The following MYO5A variants were observed in gnomAD, a reference collection of about 807,000 sequenced individuals.
The protein encoded by MYO5A is unconventional myosin-Va.
A neutral mutation model predicts 249.7 loss-of-function variants in MYO5A; 98 were observed. That is an observed-to-expected ratio of 0.39 (90% CI 0.33 to 0.46). MYO5A has a LOEUF of 0.46. Among genes scored for constraint, MYO5A ranks in the 20% least tolerant of loss-of-function variants. MYO5A has a pLI of 0.98. For synonymous variants in MYO5A, 778 were observed against 810.6 expected, an observed-to-expected ratio of 0.96 and a Z score of 0.68; for missense variants, 1,696 against 2,308.8, an observed-to-expected ratio of 0.73 and a Z score of 5.44.
chr15:52,408,083 G>A lies in MYO5A; in HGVS notation c.814C>T (p.Pro272Ser), dbSNP rs773268848. 1 of 1,602,996 alleles carries A rather than the reference G, an allele frequency of 6.2e-7. No individual in the cohort carries two copies. Among genetic ancestry groups the A allele is most frequent in the South Asian group, 1.1e-5 (1 of 90,712 alleles). ...FYQLCASAKL[P>S]EFKMLRLGNA... ...CCTAATCGTAGCATTTTAAATTCAGGTAACTTTGCTGAGGCACAAAGCTGA... is the reference window on the plus strand; with the variant it reads ...CCTAATCGTAGCATTTTAAATTCAGATAACTTTGCTGAGGCACAAAGCTGA... Residue 272 changes from proline (P) to serine (S), a missense_variant, in exon 7 of 42, where the codon CCT (proline) becomes TCT (serine). By Grantham distance (74) the Pro-to-Ser change is moderately conservative (BLOSUM62 -1). Around this residue, in one of 5 missense-constraint regions of MYO5A, gnomAD observed 185 missense variants for 204.8 expected, o/e 0.90. Coordinates refer to ENST00000399233, the MANE Select transcript of MYO5A (RefSeq NM_001382347.1).
chr15:52,374,656 G>A (rs976545616), intron 20 of MYO5A, among the ~76,000 whole-genome samples: 4 of 152,202 alleles, frequency 2.6e-5, no homozygotes, highest in Admixed American at 6.5e-5. Context: ...GACTGATGTG[G>A]CTACAAGCAC....
intron 30 of MYO5A, 32 bp downstream of exon 30, chr15:52,346,329 A>C: frequency 1.5e-6 from 2 of 1,362,586 alleles, no homozygotes; most frequent in Non-Finnish European, 1.0e-6. Flanking sequence ...AATATAATTA[A>C]ACCAAAATGA....
intron 6 of MYO5A, 43 bp downstream of exon 6, chr15:52,410,290 C>T (rs2043192820): frequency 1.3e-6 from 2 of 1,586,918 alleles, no homozygotes; most frequent in South Asian, 1.1e-5. Flanking sequence ...AACAATTATA[C>T]AGCAATCTAA....
At chr15:52,472,347 G>A (rs2076492225) in intron 1 of MYO5A, among the ~76,000 whole-genome samples, 1 of 152,076 alleles carries the variant, frequency 6.6e-6, no homozygotes, top group African/African-American at 2.4e-5. Flanking sequence ...CTAAAGTGCT[G>A]GGATTACAGG....
chr15:52,509,872 T>A (rs1724595), intron 1 of MYO5A, among the ~76,000 whole-genome samples: 1 of 151,714 alleles, frequency 6.6e-6, no homozygotes, highest in African/African-American at 2.4e-5. Context: ...TCTGTGCCAT[T>A]CTCCTTCTCT....
chr15:52,515,511 C>T (rs1783077270), intron 1 of MYO5A, among the ~76,000 whole-genome samples: 1 of 152,110 alleles, frequency 6.6e-6, no homozygotes, highest in South Asian at 2.1e-4. Flanking sequence ...TAAATATGTG[C>T]CAGGCATTAT....
At chr15:52,458,198 T>C (rs2076159181) in intron 1 of MYO5A, among the ~76,000 whole-genome samples, 1 of 152,188 alleles carries the variant, frequency 6.6e-6, no homozygotes, top group Non-Finnish European at 1.5e-5. Context: ...AGCACAATAA[T>C]AGGGTGACTA....
At chr15:52,341,370 C>G (rs1012313176) in intron 31 of MYO5A, among the ~76,000 whole-genome samples, 1 of 152,180 alleles carries the variant, frequency 6.6e-6, no homozygotes, top group African/African-American at 2.4e-5. Context: ...GGTTTTAGAA[C>G]ACAAATATTA....
chr15:52,403,904 G>A (rs2052297482), intron 9 of MYO5A, among the ~76,000 whole-genome samples: 1 of 152,074 alleles, frequency 6.6e-6, no homozygotes, highest in African/African-American at 2.4e-5. Context: ...AAAATCGTAA[G>A]GATCAAGCTT....
chr15:52,495,492 CA>C (rs35101302), intron 1 of MYO5A, among the ~76,000 whole-genome samples: 33,045 of 151,978 alleles, frequency 0.22, 4,108 homozygotes, highest in African/African-American at 0.34. Context: ...TCATGATAAT[CA>C]ATGGTTAATA....
intron 23 of MYO5A, among the ~76,000 whole-genome samples, chr15:52,365,469 T>C (rs1299060040): frequency 6.6e-6 from 1 of 152,246 alleles, no homozygotes; most frequent in African/African-American, 2.4e-5. Flanking sequence ...CTCAGCTGTA[T>C]GTCTTAACTC....
At chr15:52,458,490 T>TGC (rs2076165520) in intron 1 of MYO5A, among the ~76,000 whole-genome samples, 1 of 151,846 alleles carries the variant, frequency 6.6e-6, no homozygotes, top group Non-Finnish European at 1.5e-5. Context: ...CGTGGTGGCA[T>TGC]GCACCTGTAG....
At chr15:52,431,506 A>G (rs943515489) in intron 2 of MYO5A, among the ~76,000 whole-genome samples, 1 of 152,054 alleles carries the variant, frequency 6.6e-6, no homozygotes, top group African/African-American at 2.4e-5. Context: ...ATCCATGTAT[A>G]TATTTTTCTA....
intron 1 of MYO5A, among the ~76,000 whole-genome samples, chr15:52,510,091 C>T (rs1263481655): frequency 1.5e-5 from 2 of 133,550 alleles, no homozygotes; most frequent in Non-Finnish European, 3.2e-5. Flanking sequence ...AGGAATTAAG[C>T]GGACTAAAAT....
chr15:52,528,245 C>A (rs927966748), intron 1 of MYO5A, among the ~76,000 whole-genome samples: 2 of 152,158 alleles, frequency 1.3e-5, no homozygotes, highest in Admixed American at 1.3e-4. Flanking sequence ...GGGCTCGCCA[C>A]CCCCAGCGCA....
intron 2 of MYO5A, among the ~76,000 whole-genome samples, chr15:52,431,053 A>G (rs889107982): frequency 2.0e-5 from 3 of 151,304 alleles, no homozygotes; most frequent in Non-Finnish European, 4.4e-5. Context: ...CCAACATGGT[A>G]AAATCCTGTC....
chr15:52,439,611 C>T (rs2075743066), intron 1 of MYO5A, among the ~76,000 whole-genome samples: 1 of 152,122 alleles, frequency 6.6e-6, no homozygotes, highest in Admixed American at 6.5e-5. Flanking sequence ...GAAAAATTGG[C>T]AACATTCCAC....
At chr15:52,458,492 C>T (rs777002235) in intron 1 of MYO5A, among the ~76,000 whole-genome samples, 4 of 151,908 alleles carry the variant, frequency 2.6e-5, no homozygotes, top group Admixed American at 2.6e-4. Context: ...TGGTGGCATG[C>T]ACCTGTAGTC....
Position 52,485,259 on chromosome 15 carries a change from T to TAAAAAAAAAAAAAAAAAAAAAAAA in MYO5A, c.27+43520_27+43521insTTTTTTTTTTTTTTTTTTTTTTTT, listed in dbSNP as rs72085613. ...AAAAGAGAATAAAGAATTCACTATG[T>TAAAAAAAAAAAAAAAAAAAAAAAA]AAAAAAAAAAAAAAAAAAAACAAGA... is the stretch of plus-strand genomic sequence containing the variant. On this transcript the variant is annotated intron_variant, in intron 1 of 41. Transcript: ENST00000399233. Among the ~76,000 whole-genome samples the TAAAAAAAAAAAAAAAAAAAAAAAA allele has an allele frequency of 1.9e-5, 2 of 102,762 alleles. 1 individual carries two copies. The highest frequency in any genetic ancestry group is 4.1e-5 in the Non-Finnish European group (2 of 48,626). The allele number at this position is 102,762 out of a possible 152,430, so 67.4% of individuals were successfully genotyped here. A position where few individuals can be genotyped will look rare whatever the true frequency, so the allele number is the denominator to read the frequency against.
Sources: allele counts gnomAD v4.1 joint callset (sites outside exome capture counted in the v4.1 genomes callset), GRCh38; gene constraint gnomAD v4.1.1; regional missense constraint gnomAD v4.1.1; transcripts MANE v1.5; gene names NCBI Gene and HGNC (gene_info 2026-07-23, HGNC 2026-07-21).